The following AHRR variants were observed in gnomAD, a reference collection of about 807,000 sequenced individuals.
The protein encoded by AHRR is aryl hydrocarbon receptor repressor.
AHRR carries 28 observed loss-of-function variants against 44.0 expected under a neutral mutation model. That is an observed-to-expected ratio of 0.64 (90% CI 0.47 to 0.87). The LOEUF (loss-of-function observed/expected upper bound fraction) is 0.87. Among genes scored for constraint, AHRR ranks in the 40% least tolerant of loss-of-function variants. The pLI is 0.00. For synonymous variants in AHRR, 434 were observed against 407.0 expected (o/e 1.07, Z -0.80); for missense variants, 990 against 953.9 (o/e 1.04, Z -0.50).
chr5:411,916 C>T lies in AHRR; in HGVS notation c.352-1428C>T, dbSNP rs777198035. ...ATGTGAGACTGGGCGAGATATTCCA[C>T]CTGGTAGCCTGTGCTTGCTCAGCGT... is the stretch of plus-strand genomic sequence containing the variant. On this transcript the variant is annotated intron_variant, in intron 4 of 10. Coordinates refer to ENST00000684583, the MANE Select transcript of AHRR (RefSeq NM_001377236.1). This position sits in a 1 kb window ranked among gnomAD's most constrained non-coding sequence, Gnocchi z 4.2. Among the ~76,000 whole-genome samples the T allele has an allele frequency of 3.9e-5, 6 of 152,220 alleles. No individual in the cohort carries two copies. The highest frequency in any genetic ancestry group is 7.3e-5 in the Non-Finnish European group (5 of 68,040).
At position 370,195 on chromosome 5, in the gene AHRR, G is replaced by GA. The variant is rs758557920; in HGVS notation, c.245-6415_245-6414insA. Among the ~76,000 whole-genome samples, 1,882 of 37,724 alleles carry GA rather than the reference G, an allele frequency of 0.05. 143 individuals carry two copies. The highest frequency in any genetic ancestry group is 0.061 in the Non-Finnish European group (929 of 15,224). The allele number at this position is 37,724 out of a possible 152,430, so 24.7% of individuals were successfully genotyped here. The stretch of plus-strand genomic sequence containing the variant: ...GCCCCGTCCTCCCGGGCCCTCGCTG[G>GA]TGCCCCGTCCTCCCGGGCCCTCGCT... On this transcript the variant is annotated intron_variant, in intron 3 of 10. Coordinates refer to ENST00000684583, the MANE Select transcript of AHRR (RefSeq NM_001377236.1). The surrounding 1 kb of genome is among the most constrained non-coding windows in gnomAD (Gnocchi z 4.5).
intron 2 of AHRR, among the ~76,000 whole-genome samples, chr5:348,544 A>G (rs1010659053): frequency 6.6e-6 from 1 of 152,138 alleles, no homozygotes; most frequent in Admixed American, 6.5e-5. Flanking sequence ...TGCCCCAGGC[A>G]ACCTCCGATC....
intron 3 of AHRR, among the ~76,000 whole-genome samples, chr5:369,925 TC>T (rs1372930102): frequency 1.3e-5 from 2 of 152,266 alleles, no homozygotes; most frequent in Non-Finnish European, 1.5e-5. Flanking sequence ...GAGGCTCTGG[TC>T]CCCTCATTTG....
chr5:407,064 G>A (rs2126503615), intron 4 of AHRR, among the ~76,000 whole-genome samples: 1 of 152,326 alleles, frequency 6.6e-6, no homozygotes, highest in African/African-American at 2.4e-5. Flanking sequence ...CATGCGCCAT[G>A]ATTTAATTAT....
chr5:434,874 G>A lies in AHRR; in HGVS notation c.*40G>A, dbSNP rs147640325. On this transcript the variant is annotated 3_prime_UTR_variant, in exon 11 of 11. Coordinates refer to ENST00000684583, the MANE Select transcript of AHRR (RefSeq NM_001377236.1). The stretch of plus-strand genomic sequence containing the variant: ...TCCAAGCTCAGATCTGTGTGTCTAC[G>A]CTCAGATGCGTCGGTGGCTGGGCTG... The A allele has an allele frequency of 2.4e-4, 365 of 1,506,054 alleles. No individual in the cohort carries two copies. The highest frequency in any genetic ancestry group is 3.3e-4 in the Admixed American group (16 of 49,220). 93.3% of individuals were successfully genotyped at this position (1,506,054 alleles called of 1,614,324 possible). A position where few individuals can be genotyped will look rare whatever the true frequency, so the allele number is the denominator to read the frequency against.
Position 346,033 on chromosome 5 carries a change from A to C in AHRR, c.62+2069A>C, listed in dbSNP as rs539923821. 3.3e-5 allele frequency among the ~76,000 whole-genome samples: 5 copies of C among 152,304 alleles called. No homozygotes were observed. In the East Asian group the frequency reaches 9.7e-4, roughly 29 times the overall value. ...TCAGTGCCCAGGCTGACGCTGGCCC[A>C]GCGGTGAGCACATGCGCAAAACCAT... On this transcript the variant is annotated intron_variant, in intron 2 of 10. Transcript: ENST00000684583.
At chr5:421,373 A>C in intron 5 of AHRR, 1 of 659,548 alleles carries the variant, frequency 1.5e-6, no homozygotes, top group Non-Finnish European at 2.8e-6. Flanking sequence ...GAGTCCGCGC[A>C]CAGTACCAGC....
chr5:432,434 T>C (rs1736771733), intron 8 of AHRR, 29 bp from the exon 9 acceptor site: 1 of 1,608,766 alleles, frequency 6.2e-7, no homozygotes, highest in Non-Finnish European at 8.5e-7. Flanking sequence ...ATCCGTCACA[T>C]GTCACATGTT....
intron 1 of AHRR, among the ~76,000 whole-genome samples, chr5:336,571 T>C (rs1177704770): frequency 6.6e-6 from 1 of 152,260 alleles, no homozygotes; most frequent in Non-Finnish European, 1.5e-5. Flanking sequence ...GATTTGTAAA[T>C]GTTTATTGCC....
intron 5 of AHRR, among the ~76,000 whole-genome samples, chr5:416,871 T>G (rs888648762): frequency 1.3e-5 from 2 of 151,742 alleles, no homozygotes; most frequent in Non-Finnish European, 2.9e-5. Flanking sequence ...GCAGGGCCCA[T>G]GTCTAGAGAA....
rs184277534 is a variant in AHRR, at chr5:387,198, G to A, written c.351+10482G>A. On this transcript the variant is annotated intron_variant, in intron 4 of 10. Transcript: ENST00000684583. This position sits in a 1 kb window ranked among gnomAD's most constrained non-coding sequence, Gnocchi z 5.1. The stretch of plus-strand genomic sequence containing the variant: ...TGCAGCTTGGGATGAGCCAGGACAC[G>A]TGTCAGTTCGTACACAGAAGCGGGG... Among the ~76,000 whole-genome samples, 282 of 152,356 alleles carry A rather than the reference G, an allele frequency of 1.9e-3. 2 individuals carry two copies. The highest frequency in any genetic ancestry group is 0.01 in the Middle Eastern group (3 of 294).
rs192635343 is a variant in AHRR at position 405,158 on chromosome 5, A to T, written c.352-8186A>T. On this transcript the variant is annotated intron_variant, in intron 4 of 10. Coordinates refer to ENST00000684583, the MANE Select transcript of AHRR (RefSeq NM_001377236.1). The surrounding 1 kb of genome is among the most constrained non-coding windows in gnomAD (Gnocchi z 4.5). Reference sequence around the variant, plus strand: ...AATCTGGGCAAACCGAGAGCTTGTGAACAGCCCCGATGGGTCCAGGCAGAT... The same window carrying T: ...AATCTGGGCAAACCGAGAGCTTGTGTACAGCCCCGATGGGTCCAGGCAGAT... 6.6e-5 allele frequency among the ~76,000 whole-genome samples: 10 copies of T among 152,166 alleles called. No homozygotes were observed. The highest frequency in any genetic ancestry group is 1.3e-4 in the Non-Finnish European group (9 of 67,970).
At chr5:377,640 C>T (rs1453660689) in intron 4 of AHRR, among the ~76,000 whole-genome samples, 4 of 152,226 alleles carry the variant, frequency 2.6e-5, no homozygotes, top group African/African-American at 9.6e-5. Flanking sequence ...GGCTGCTCAA[C>T]CCCCTGCCCC....
At chr5:340,703 T>A (rs1258775587) in intron 1 of AHRR, among the ~76,000 whole-genome samples, 4 of 88,150 alleles carry the variant, frequency 4.5e-5, no homozygotes, top group African/African-American at 1.8e-4. Context: ...TTTTTTTTTT[T>A]TTTTTTTTTT....
chr5:351,169 C>T lies in AHRR; in HGVS notation c.63-2561C>T, dbSNP rs1056784777. On this transcript the variant is annotated intron_variant, in intron 2 of 10. Transcript: ENST00000684583. Reference sequence around the variant, plus strand: ...CATTGCCGATGGGAAAGTAAAATAGCGCAGCCACCATGGAAAGCAGTTTGG... The same window carrying T: ...CATTGCCGATGGGAAAGTAAAATAGTGCAGCCACCATGGAAAGCAGTTTGG... Among the ~76,000 whole-genome samples the T allele has an allele frequency of 5.3e-5, 8 of 152,136 alleles. No homozygotes were observed. In the South Asian group the frequency reaches 1.2e-3, roughly 24 times the overall value.
rs1469298115 is a variant in AHRR, at chr5:342,855, G to A, written c.-10-1038G>A. Among the ~76,000 whole-genome samples, 1 of 152,260 alleles carries A rather than the reference G, an allele frequency of 6.6e-6. No homozygotes were observed. Among genetic ancestry groups the A allele is most frequent in the Non-Finnish European group, 1.5e-5 (1 of 68,038 alleles). ...TGACCAGCCTGGGCACAGATACTGG[G>A]CTGCTCCTCAGGGGCCCCGCTGGGA... On this transcript the variant is annotated intron_variant, in intron 1 of 10. Coordinates refer to ENST00000684583, the MANE Select transcript of AHRR (RefSeq NM_001377236.1). The surrounding 1 kb of genome is among the most constrained non-coding windows in gnomAD (Gnocchi z 4.3).
In AHRR at chr5:387,562, C is replaced by T. The variant is rs1050221123; in HGVS notation, c.351+10846C>T. Among the ~76,000 whole-genome samples, 5 of 152,358 alleles carry T rather than the reference C, an allele frequency of 3.3e-5. No individual in the cohort carries two copies. Among genetic ancestry groups the T allele is most frequent in the Admixed American group, 6.5e-5 (1 of 15,312 alleles). The stretch of plus-strand genomic sequence containing the variant: ...ACAACAGCCATGCAGCACGTCCCTC[C>T]ACCTGCCTTTCACCCTGTCTGCTGA... On this transcript the variant is annotated intron_variant, in intron 4 of 10. Coordinates refer to ENST00000684583, the MANE Select transcript of AHRR (RefSeq NM_001377236.1). This position sits in a 1 kb window ranked among gnomAD's most constrained non-coding sequence, Gnocchi z 5.1.
At chr5:425,277 G>A (rs908857689) in intron 7 of AHRR, among the ~76,000 whole-genome samples, 5 of 152,200 alleles carry the variant, frequency 3.3e-5, no homozygotes, top group Admixed American at 1.3e-4. Flanking sequence ...ACGCCCCAGG[G>A]CACATCTTTC....
chr5:379,250 C>T (rs920377721), intron 4 of AHRR, among the ~76,000 whole-genome samples: 10 of 152,100 alleles, frequency 6.6e-5, no homozygotes, highest in African/African-American at 2.2e-4. Flanking sequence ...GATTTGGGCT[C>T]ATCCACGGTG....
Sources: allele counts gnomAD v4.1 joint callset (sites outside exome capture counted in the v4.1 genomes callset), GRCh38; gene constraint gnomAD v4.1.1; non-coding constraint Gnocchi (gnomAD v3.1); transcripts MANE v1.5; gene names NCBI Gene and HGNC (gene_info 2026-07-23, HGNC 2026-07-21).